Variants in AK5 observed in about 807,000 individuals in gnomAD.
AK5 encodes the protein adenylate kinase isoenzyme 5.
In AK5, 27 loss-of-function variants were observed where a neutral mutation model predicts 69.5. The observed-to-expected ratio is 0.39, with a 90% CI of 0.29 to 0.54. The LOEUF (loss-of-function observed/expected upper bound fraction) is 0.54, where lower values mean the gene tolerates loss of function less well. Ranked by LOEUF, AK5 falls within the 20% of genes least tolerant of loss-of-function variation. AK5 has a pLI of 0.71. For synonymous variants in AK5, 260 were observed against 244.4 expected (o/e 1.06, Z -0.60); for missense variants, 531 against 700.4 (o/e 0.76, Z 2.73).
chr1:77,518,744 G>T lies in AK5; in HGVS notation c.1311+17G>T. 6.2e-7 allele frequency: 1 copy of T among 1,612,356 alleles called. No homozygotes were observed. Among genetic ancestry groups the T allele is most frequent in the South Asian group, 1.1e-5 (1 of 90,868 alleles). ...GTGCCCTCAGTAAGCAACATGGCCT[G>T]ACCCACATTACTGCCTTTCCTGTCT... is the stretch of plus-strand genomic sequence containing the variant. On this transcript the variant is annotated intron_variant, in intron 11 of 13. Coordinates refer to ENST00000354567, the MANE Select transcript of AK5 (RefSeq NM_174858.3).
At chr1:77,285,204 T>C (rs1357693659) in intron 1 of AK5, among the ~76,000 whole-genome samples, 1 of 152,152 alleles carries the variant, frequency 6.6e-6, no homozygotes, top group Non-Finnish European at 1.5e-5. Context: ...GGTATGCAAA[T>C]AAATATATGA....
chr1:77,450,423 A>G (rs1274986944), intron 8 of AK5, among the ~76,000 whole-genome samples: 3 of 152,230 alleles, frequency 2.0e-5, no homozygotes, highest in Admixed American at 2.0e-4. Context: ...CCAAATGAGA[A>G]CACACTTAAA....
chr1:77,305,980 AT>A (rs36075033), intron 5 of AK5, among the ~76,000 whole-genome samples: 23,463 of 151,700 alleles, frequency 0.15, 2,210 homozygotes, highest in Non-Finnish European at 0.2. Flanking sequence ...ATGAAAATGG[AT>A]TTTTTTTTCA....
chr1:77,443,944 A>C (rs911150122), intron 8 of AK5, among the ~76,000 whole-genome samples: 26 of 151,554 alleles, frequency 1.7e-4, no homozygotes, highest in African/African-American at 6.3e-4. Flanking sequence ...CACCCACCCA[A>C]GACATGAGCA....
chr1:77,479,355 G>A (rs1489771958), intron 8 of AK5, among the ~76,000 whole-genome samples: 3 of 151,920 alleles, frequency 2.0e-5, no homozygotes, highest in Non-Finnish European at 4.4e-5. Context: ...ACAGGCATGC[G>A]CCACTATGCC....
At chr1:77,362,920 A>G (rs1646889622) in intron 6 of AK5, among the ~76,000 whole-genome samples, 1 of 152,226 alleles carries the variant, frequency 6.6e-6, no homozygotes, top group African/African-American at 2.4e-5. Context: ...TGCAATGACC[A>G]TAGATAAGGA....
At chr1:77,422,176 T>C (rs2803144) in intron 8 of AK5, among the ~76,000 whole-genome samples, 3 of 152,138 alleles carry the variant, frequency 2.0e-5, no homozygotes, top group African/African-American at 7.2e-5. Flanking sequence ...AGCTACTCAG[T>C]TCTCCTGTGC....
intron 5 of AK5, among the ~76,000 whole-genome samples, chr1:77,336,473 C>T (rs1661367323): frequency 6.6e-6 from 1 of 152,154 alleles, no homozygotes. Flanking sequence ...ACTTCATCCC[C>T]TCATTTTTAA....
chr1:77,471,586 A>G (rs533556628), intron 8 of AK5, among the ~76,000 whole-genome samples: 58 of 152,330 alleles, frequency 3.8e-4, no homozygotes, highest in African/African-American at 1.3e-3. Flanking sequence ...CTGGAGTAGT[A>G]TGGAGTTTCA....
chr1:77,515,231 G>A (rs953164034), intron 10 of AK5, among the ~76,000 whole-genome samples: 1 of 152,176 alleles, frequency 6.6e-6, no homozygotes, highest in Admixed American at 6.5e-5. Flanking sequence ...TAGAGCAGCT[G>A]TATAGATGAG....
At chr1:77,313,717 CTTT>C (rs2100300597) in intron 5 of AK5, 4 of 464,466 alleles carry the variant, frequency 8.6e-6, no homozygotes, top group Admixed American at 2.4e-5. Flanking sequence ...TGTGGGTTTG[CTTT>C]CCGTACCCTG....
At chr1:77,487,880 A>G (rs2100731352) in intron 10 of AK5, among the ~76,000 whole-genome samples, 1 of 152,382 alleles carries the variant, frequency 6.6e-6, no homozygotes, top group East Asian at 1.9e-4. Flanking sequence ...GAGGAGTCAC[A>G]GAGCTGCCAT....
At chr1:77,527,419 C>T (rs1307256602) in intron 12 of AK5, among the ~76,000 whole-genome samples, 1 of 152,164 alleles carries the variant, frequency 6.6e-6, no homozygotes, top group Non-Finnish European at 1.5e-5. Context: ...CCACTGTGGT[C>T]CCCGTTCAGA....
In AK5 at chr1:77,558,844, A is replaced by G; in HGVS notation, c.*174A>G. On this transcript the variant is annotated 3_prime_UTR_variant, in exon 14 of 14. Coordinates refer to ENST00000354567, the MANE Select transcript of AK5 (RefSeq NM_174858.3). Reference sequence around the variant, plus strand: ...AGACCTGTGTGAGAGGTGTCTGGAAATCATGCATGGTGTATTTGGGACTAT... The same window carrying G: ...AGACCTGTGTGAGAGGTGTCTGGAAGTCATGCATGGTGTATTTGGGACTAT... 1.7e-6 allele frequency: 1 copy of G among 600,548 alleles called. No homozygotes were observed. Among genetic ancestry groups the G allele is most frequent in the Admixed American group, 3.0e-5 (1 of 33,216 alleles). 37.2% of individuals were successfully genotyped at this position (600,548 alleles called of 1,614,324 possible). A position where few individuals can be genotyped will look rare whatever the true frequency, so the allele number is the denominator to read the frequency against.
intron 8 of AK5, among the ~76,000 whole-genome samples, chr1:77,418,197 C>CA (rs1334544639): frequency 6.6e-6 from 1 of 152,178 alleles, no homozygotes; most frequent in Non-Finnish European, 1.5e-5. Context: ...GGGGAGACCT[C>CA]ACAATCATGG....
intron 5 of AK5, among the ~76,000 whole-genome samples, chr1:77,306,494 G>GTTTTTTTTTTTTTTTTTTTTTTTT (rs869202567): frequency 8.3e-6 from 1 of 120,366 alleles, no homozygotes. Context: ...GTTTTTTTTT[G>GTTTTTTTTTTTTTTTTTTTTTTTT]TTTTTTTTTT....
intron 8 of AK5, among the ~76,000 whole-genome samples, chr1:77,460,372 C>T (rs1230972425): frequency 1.3e-5 from 2 of 152,220 alleles, no homozygotes; most frequent in Admixed American, 6.5e-5. Context: ...TATATAAACA[C>T]ATTCCTTCCT....
rs551118339 is a variant in AK5, at chr1:77,524,185, C to T, written c.1428+2242C>T. Among the ~76,000 whole-genome samples the T allele has an allele frequency of 7.9e-5, 12 of 152,204 alleles. No individual in the cohort carries two copies. In the South Asian group the frequency reaches 8.3e-4, roughly 10 times the overall value. ...ACATTATTTTTATTCATTCACCTAT[C>T]GATAGAGACTGGGGTTGCTTTCACT... is the stretch of plus-strand genomic sequence containing the variant. On this transcript the variant is annotated intron_variant, in intron 12 of 13. Coordinates refer to ENST00000354567, the MANE Select transcript of AK5 (RefSeq NM_174858.3).
At chr1:77,479,756 CA>C (rs1283886142) in intron 8 of AK5, among the ~76,000 whole-genome samples, 2 of 152,158 alleles carry the variant, frequency 1.3e-5, no homozygotes, top group Non-Finnish European at 2.9e-5. Context: ...GTTGTGCACA[CA>C]AAGCCTAACT....
Sources: allele counts gnomAD v4.1 joint callset (sites outside exome capture counted in the v4.1 genomes callset), GRCh38; gene constraint gnomAD v4.1.1; transcripts MANE v1.5; gene names NCBI Gene and HGNC (gene_info 2026-07-23, HGNC 2026-07-21).